TACC2: variants seen among roughly 807,000 people sequenced by gnomAD.
TACC2 encodes transforming acidic coiled-coil containing protein 2.
TACC2 carries 137 observed loss-of-function variants against 227.3 expected under a neutral mutation model. That is an observed-to-expected ratio of 0.60 (90% CI 0.52 to 0.69). The LOEUF (loss-of-function observed/expected upper bound fraction) is 0.69. TACC2 is among the 30% of genes least tolerant of loss of function. The pLI is 0.00. For missense variants in TACC2, 3,470 were observed against 3,694.4 expected, an observed-to-expected ratio of 0.94 and a Z score of 1.57; for synonymous variants, 1,523 against 1,487.5, an observed-to-expected ratio of 1.02 and a Z score of -0.55.
intron 8 of TACC2, among the ~76,000 whole-genome samples, chr10:122,204,782 G>A (rs547485475): frequency 4.0e-5 from 6 of 151,720 alleles, no homozygotes; most frequent in African/African-American, 9.7e-5. Context: ...CTATGATAAC[G>A]CCACTGCACT....
intron 11 of TACC2, 137 bp downstream of exon 11, chr10:122,216,965 G>A (rs1327279710): frequency 6.6e-6 from 10 of 1,507,322 alleles, no homozygotes; most frequent in African/African-American, 1.4e-5. Context: ...CACGTCTCCC[G>A]CTGCACTTGC....
At chr10:122,129,256 C>G (rs997808674) in intron 5 of TACC2, among the ~76,000 whole-genome samples, 1 of 151,940 alleles carries the variant, frequency 6.6e-6, no homozygotes, top group Non-Finnish European at 1.5e-5. Flanking sequence ...CGGGGTTTCA[C>G]CATGTTGGCC....
chr10:122,091,070 T>C (rs2080760455), intron 5 of TACC2, among the ~76,000 whole-genome samples: 1 of 152,192 alleles, frequency 6.6e-6, no homozygotes. Context: ...TGAAATTGCA[T>C]GACTGATTAT....
chr10:122,070,460 T>C (rs574174808), intron 3 of TACC2, among the ~76,000 whole-genome samples: 12 of 151,916 alleles, frequency 7.9e-5, no homozygotes, highest in Admixed American at 2.6e-4. Context: ...CATAAGAAAA[T>C]TAGCCAGGTT....
chr10:122,240,211 C>T (rs1022059305), intron 18 of TACC2, among the ~76,000 whole-genome samples: 2 of 152,174 alleles, frequency 1.3e-5, no homozygotes, highest in African/African-American at 4.8e-5. Flanking sequence ...AGGACACGTC[C>T]CTTACCTCCT....
At chr10:122,133,127 A>G (rs2088725077) in intron 6 of TACC2, among the ~76,000 whole-genome samples, 1 of 152,190 alleles carries the variant, frequency 6.6e-6, no homozygotes, top group African/African-American at 2.4e-5. Flanking sequence ...CTCCTGGGAC[A>G]GAGCTGGATT....
Position 122,230,588 on chromosome 10 carries a change from G to C in TACC2, c.8127+148G>C, listed in dbSNP as rs2095718454. The C allele has an allele frequency of 5.8e-6, 4 of 684,346 alleles. No homozygotes were observed. The Admixed American group carries it at 6.5e-5, about 11-fold the overall frequency. The allele number at this position is 684,346 out of a possible 1,614,324, so 42.4% of individuals were successfully genotyped here. A position where few individuals can be genotyped will look rare whatever the true frequency, so the allele number is the denominator to read the frequency against. On this transcript the variant is annotated intron_variant, in intron 16 of 22. Coordinates refer to ENST00000369005, the MANE Select transcript of TACC2 (RefSeq NM_206862.4). ...CCAAAAAGCTGAAAGCGTCACTCTT[G>C]CATAAATACACACTGAGCACATAGC...
intron 6 of TACC2, among the ~76,000 whole-genome samples, chr10:122,137,271 T>C (rs891675923): frequency 2.6e-5 from 4 of 151,168 alleles, no homozygotes; most frequent in African/African-American, 9.8e-5. Flanking sequence ...TCTCATCTGT[T>C]CAGTATTTTC....
intron 7 of TACC2, among the ~76,000 whole-genome samples, chr10:122,160,278 C>T (rs1200803296): frequency 1.2e-4 from 18 of 152,176 alleles, no homozygotes; most frequent in Admixed American, 6.5e-5. Flanking sequence ...AGCCTGCCTT[C>T]GGGCCCCTAG....
At chr10:122,088,040 G>A (rs140447351) in intron 4 of TACC2, 81 bp downstream of exon 4, 15 of 1,400,382 alleles carry the variant, frequency 1.1e-5, no homozygotes, top group African/African-American at 4.3e-5. Context: ...GAAGTCAGTC[G>A]CATAGGTGAG....
intron 1 of TACC2, among the ~76,000 whole-genome samples, chr10:122,018,012 T>TAAA (rs11395611): frequency 7.1e-6 from 1 of 141,426 alleles, no homozygotes; most frequent in Non-Finnish European, 1.5e-5. Flanking sequence ...TTATTTCTTC[T>TAAA]AAAAAAAAAA....
At chr10:122,100,219 G>A (rs1430114273) in intron 5 of TACC2, among the ~76,000 whole-genome samples, 2 of 151,212 alleles carry the variant, frequency 1.3e-5, no homozygotes, top group Non-Finnish European at 1.5e-5. Context: ...AGCCGAGATC[G>A]TGCCATTGCA....
intron 8 of TACC2, among the ~76,000 whole-genome samples, chr10:122,199,843 G>A (rs1285029193): frequency 2.0e-5 from 3 of 152,152 alleles, no homozygotes; most frequent in Non-Finnish European, 4.4e-5. Context: ...TTCATAGACA[G>A]CACCTCCTCC....
intron 1 of TACC2, among the ~76,000 whole-genome samples, chr10:122,012,495 C>T (rs1260242661): frequency 1.3e-5 from 2 of 150,262 alleles, no homozygotes; most frequent in African/African-American, 4.9e-5. Context: ...CTCAGGTGAT[C>T]GGCCTGCCTT....
intron 7 of TACC2, chr10:122,163,606 A>T: frequency 9.9e-7 from 1 of 1,013,526 alleles, no homozygotes; most frequent in Non-Finnish European, 1.2e-6. Context: ...GGTTTAAGAG[A>T]AGAGCCTTTC....
chr10:122,155,833 A>ATTTTTTTTTTTTTTTTTTTTTTTTTTTT (rs66559186), intron 7 of TACC2, among the ~76,000 whole-genome samples: 2 of 118,304 alleles, frequency 1.7e-5, no homozygotes, highest in African/African-American at 6.5e-5. Context: ...TAGTGGGAAA[A>ATTTTTTTTTTTTTTTTTTTTTTTTTTTT]TTTTTTTTTT....
Position 122,181,631 on chromosome 10 carries a change from A to G in TACC2, c.5835-13409A>G, listed in dbSNP as rs148663908. ...TGGAACCAGATCAGTTGATGCTCATATTTGATGGCTGTGGTGCTGTTTTCT... is the reference window on the plus strand; with the variant it reads ...TGGAACCAGATCAGTTGATGCTCATGTTTGATGGCTGTGGTGCTGTTTTCT... On this transcript the variant is annotated intron_variant, in intron 7 of 22. Coordinates refer to ENST00000369005, the MANE Select transcript of TACC2 (RefSeq NM_206862.4). Among the ~76,000 whole-genome samples the G allele has an allele frequency of 2.6e-5, 4 of 152,328 alleles. No homozygotes were observed. The East Asian group carries it at 7.7e-4, about 29-fold the overall frequency.
chr10:122,201,074 G>A (rs952301828), intron 8 of TACC2, among the ~76,000 whole-genome samples: 4 of 140,598 alleles, frequency 2.8e-5, no homozygotes, highest in South Asian at 2.2e-4. Flanking sequence ...GTGAGAGGAC[G>A]GCCACCTCAC....
At chr10:122,204,190 AG>A (rs1301075987) in intron 8 of TACC2, among the ~76,000 whole-genome samples, 5 of 14,836 alleles carry the variant, frequency 3.4e-4, no homozygotes, top group East Asian at 8.3e-3. Context: ...GGAGAGGGGG[AG>A]GGGGAGGGGG....
Sources: gnomAD v4.1 joint callset for allele counts (sites outside exome capture counted in the v4.1 genomes callset) on GRCh38, gnomAD v4.1.1 for gene constraint, MANE v1.5 for transcripts, NCBI Gene and HGNC (gene_info 2026-07-23, HGNC 2026-07-21) for gene names.